The following ADAMTS3 variants were observed in gnomAD, a reference collection of about 807,000 sequenced individuals.
The protein encoded by ADAMTS3 is ADAM metallopeptidase with thrombospondin type 1 motif 3, also known as A disintegrin and metalloproteinase with thrombospondin motifs 3.
ADAMTS3 carries 73 observed loss-of-function variants against 129.0 expected under a neutral mutation model. The observed-to-expected ratio is 0.57, with a 90% CI of 0.47 to 0.69. The LOEUF is 0.69. Ranked by LOEUF, ADAMTS3 falls within the 30% of genes least tolerant of loss-of-function variation. ADAMTS3 has a pLI of 0.00. For synonymous variants in ADAMTS3, 477 were observed against 510.8 expected, an observed-to-expected ratio of 0.93 and a Z score of 0.89; for missense variants, 1,457 against 1,514.5, an observed-to-expected ratio of 0.96 and a Z score of 0.63.
chr4:72,322,446 T>G (rs1719580683), intron 6 of ADAMTS3, among the ~76,000 whole-genome samples: 2 of 152,208 alleles, frequency 1.3e-5, no homozygotes, highest in African/African-American at 4.8e-5. Context: ...ACTATGTGCA[T>G]TTTTATCCAA....
intron 8 of ADAMTS3, 39 bp downstream of exon 8, chr4:72,319,819 G>A (rs772896728): frequency 6.8e-7 from 1 of 1,480,018 alleles, no homozygotes; most frequent in Non-Finnish European, 9.4e-7. Context: ...GGAAAGAAAA[G>A]ATCTTTTTTT....
intron 5 of ADAMTS3, among the ~76,000 whole-genome samples, chr4:72,329,751 GA>G (rs200484137): frequency 0.039 from 5,270 of 135,316 alleles, 249 homozygotes; most frequent in African/African-American, 0.12. Flanking sequence ...TTTCTTTCAT[GA>G]AAAAAAAAAA....
At chr4:72,567,542 T>C (rs1722047681) in intron 1 of ADAMTS3, 141 bp from the exon 2 acceptor site, 12 of 781,638 alleles carry the variant, frequency 1.5e-5, no homozygotes, top group Non-Finnish European at 2.3e-5. Context: ...GCCTAAAGCC[T>C]GCACCTTGGT....
rs60424845 is a variant in ADAMTS3, at chr4:72,403,740, T to C, written c.661+11075A>G. 6.0e-3 allele frequency among the ~76,000 whole-genome samples: 908 copies of C among 152,142 alleles called. 16 individuals are homozygous for C. Among genetic ancestry groups the C allele is most frequent in the African/African-American group, 0.021 (863 of 41,550 alleles). The stretch of plus-strand genomic sequence containing the variant: ...TTAGAGATAAAAAAATTTTTTAAAA[T>C]AAAAAGCTCCTAACAAGAGTCCTTT... On this transcript the variant is annotated intron_variant, in intron 4 of 21. Coordinates refer to ENST00000286657, the MANE Select transcript of ADAMTS3 (RefSeq NM_014243.3).
intron 10 of ADAMTS3, among the ~76,000 whole-genome samples, chr4:72,316,914 A>T (rs1719413267): frequency 6.6e-6 from 1 of 152,136 alleles, no homozygotes; most frequent in Admixed American, 6.6e-5. Flanking sequence ...TATGGTTATA[A>T]GTAAGACAGC....
At chr4:72,415,899 G>C (rs1324261472) in intron 3 of ADAMTS3, among the ~76,000 whole-genome samples, 1 of 151,456 alleles carries the variant, frequency 6.6e-6, no homozygotes, top group Non-Finnish European at 1.5e-5. Context: ...ACATTTATTT[G>C]AAAACAAAAT....
intron 4 of ADAMTS3, among the ~76,000 whole-genome samples, chr4:72,405,057 T>C (rs1305720260): frequency 2.0e-5 from 3 of 152,006 alleles, no homozygotes; most frequent in Non-Finnish European, 2.9e-5. Flanking sequence ...TGAGGAGATG[T>C]AGAGAAAAGG....
At chr4:72,479,953 A>G (rs1719379410) in intron 3 of ADAMTS3, among the ~76,000 whole-genome samples, 1 of 152,126 alleles carries the variant, frequency 6.6e-6, no homozygotes, top group African/African-American at 2.4e-5. Context: ...AATGCTCATC[A>G]TCACTGGCCA....
intron 15 of ADAMTS3, among the ~76,000 whole-genome samples, chr4:72,308,765 C>T (rs2109793725): frequency 6.6e-6 from 1 of 151,998 alleles, no homozygotes; most frequent in Non-Finnish European, 1.5e-5. Flanking sequence ...TTTTGTTCCA[C>T]CTTTGAACCT....
intron 5 of ADAMTS3, among the ~76,000 whole-genome samples, chr4:72,334,370 G>A (rs920543285): frequency 7.2e-5 from 11 of 151,930 alleles, no homozygotes; most frequent in Admixed American, 1.3e-4. Flanking sequence ...AGACTGAATC[G>A]ATCAAATTTT....
At chr4:72,461,032 A>G (rs933130017) in intron 3 of ADAMTS3, among the ~76,000 whole-genome samples, 3 of 151,680 alleles carry the variant, frequency 2.0e-5, no homozygotes, top group Non-Finnish European at 3.0e-5. Flanking sequence ...TTTAACAAAC[A>G]TAAACTGAGT....
intron 3 of ADAMTS3, among the ~76,000 whole-genome samples, chr4:72,461,194 A>G (rs1252413085): frequency 6.6e-6 from 1 of 151,688 alleles, no homozygotes; most frequent in African/African-American, 2.4e-5. Context: ...AAATAGATAC[A>G]TCTTTAGGGT....
At chr4:72,323,690 G>A (rs1180522865) in intron 5 of ADAMTS3, among the ~76,000 whole-genome samples, 1 of 152,122 alleles carries the variant, frequency 6.6e-6, no homozygotes, top group Non-Finnish European at 1.5e-5. Context: ...GAGACTGTAC[G>A]AGTACCTGTC....
At chr4:72,412,535 G>A (rs1468957943) in intron 4 of ADAMTS3, among the ~76,000 whole-genome samples, 1 of 151,960 alleles carries the variant, frequency 6.6e-6, no homozygotes, top group African/African-American at 2.4e-5. Context: ...TGTTCCCCTA[G>A]GCAAGAGAGT....
intron 4 of ADAMTS3, among the ~76,000 whole-genome samples, chr4:72,400,324 G>GTA (rs1553912328): frequency 1.5e-5 from 2 of 133,712 alleles, no homozygotes; most frequent in African/African-American, 3.0e-5. Context: ...CATGGTGTGT[G>GTA]TATATATACA....
intron 4 of ADAMTS3, among the ~76,000 whole-genome samples, chr4:72,358,915 TAAAGTG>T (rs1720649681): frequency 6.6e-6 from 1 of 151,920 alleles, no homozygotes; most frequent in South Asian, 2.1e-4. Flanking sequence ...TGAAAGATTA[TAAAGTG>T]ATAAACTTAC....
chr4:72,422,005 G>GT (rs1722458965), intron 3 of ADAMTS3, among the ~76,000 whole-genome samples: 1 of 152,138 alleles, frequency 6.6e-6, no homozygotes, highest in Admixed American at 6.5e-5. Context: ...ACCATGCACT[G>GT]TCATACATAA....
intron 4 of ADAMTS3, among the ~76,000 whole-genome samples, chr4:72,376,479 C>G (rs1243060811): frequency 1.3e-5 from 2 of 152,146 alleles, no homozygotes; most frequent in Non-Finnish European, 2.9e-5. Flanking sequence ...AGGCCCAGGA[C>G]TTGTGTCCTG....
intron 4 of ADAMTS3, among the ~76,000 whole-genome samples, chr4:72,398,278 C>T (rs369804137): frequency 3.9e-5 from 6 of 152,162 alleles, no homozygotes; most frequent in African/African-American, 1.4e-4. Context: ...AAGTATCTGC[C>T]AGGCGTGGTG....
Sources: gnomAD v4.1 joint callset for allele counts (sites outside exome capture counted in the v4.1 genomes callset) on GRCh38, gnomAD v4.1.1 for gene constraint, MANE v1.5 for transcripts, NCBI Gene and HGNC (gene_info 2026-07-23, HGNC 2026-07-21) for gene names.